Variants in ZNF44 observed in about 807,000 individuals in gnomAD.
ZNF44 encodes the protein zinc finger protein 44, also known as gonadotropin inducible transcription repressor-2.
In ZNF44, 9 loss-of-function variants were observed where a neutral mutation model predicts 11.7. That is an observed-to-expected ratio of 0.77 (90% CI 0.46 to 1.35). ZNF44 has a LOEUF of 1.35. Among genes scored for constraint, ZNF44 ranks in the 40% most tolerant of loss-of-function variants. The probability of loss-of-function intolerance (pLI) is 0.00; values close to 1 mark genes in which losing one functional copy is unlikely to be tolerated. For missense variants in ZNF44, 696 were observed against 743.1 expected (o/e 0.94, Z 0.74); for synonymous variants, 224 against 242.7 (o/e 0.92, Z 0.72).
chr19:12,263,652 G>A (rs1441649096), intron 5 of ZNF44, among the ~76,000 whole-genome samples: 1 of 151,974 alleles, frequency 6.6e-6, no homozygotes, highest in Non-Finnish European at 1.5e-5. Flanking sequence ...AGCGCTGGGT[G>A]CAGTGGCTCA....
At chr19:12,232,258 ATACCGAG>A (rs1916193738) in intron 2 of ZNF44, among the ~76,000 whole-genome samples, 1 of 152,212 alleles carries the variant, frequency 6.6e-6, no homozygotes, top group South Asian at 2.1e-4. Context: ...ATCGGGTTTT[ATACCGAG>A]ACATTCCATT....
At position 12,272,967 on chromosome 19, in the gene ZNF44, A is replaced by G; in HGVS notation, c.1288T>C (p.Phe430Leu). The G allele has an allele frequency of 6.2e-7, 1 of 1,613,958 alleles. No individual in the cohort carries two copies. Among genetic ancestry groups the G allele is most frequent in the Non-Finnish European group, 8.5e-7 (1 of 1,180,010 alleles). Residue 430 changes from phenylalanine to leucine, a missense_variant, in exon 4 of 4, where the codon TTC becomes CTC. Physicochemically the swap from Phe to Leu is conservative, Grantham distance 22 (BLOSUM62 0). Transcript: ENST00000355684. ...PYECKQCGKAFRTSSSLRKHE... is the reference protein window; with the variant it reads ...PYECKQCGKALRTSSSLRKHE... ...TTTCGAAGGGAACTGGAAGTACGGA[A>G]GGCTTTCCCACATTGCTTGCATTCA...
chr19:12,266,297 C>T, intron 5 of ZNF44: 5 of 985,406 alleles, frequency 5.1e-6, no homozygotes, highest in Non-Finnish European at 6.0e-6. Context: ...TCCAGGGTGT[C>T]CCAGCATCCT....
chr19:12,247,393 G>A (rs755464671), downstream of ZNF44: 228 of 1,307,196 alleles, frequency 1.7e-4, no homozygotes, highest in Admixed American at 2.3e-4. Context: ...ATGTGCACTC[G>A]AAAGCCTGTA....
At position 12,275,950 on chromosome 19, in the gene ZNF44, C is replaced by A. The variant is rs751166679; in HGVS notation, c.130+6G>T. 6.3e-7 allele frequency: 1 copy of A among 1,597,156 alleles called. No homozygotes were observed. The highest frequency in any genetic ancestry group is 1.7e-5 in the Admixed American group (1 of 59,142). ...TGACCAAATGAAGACATGATGTCAT[C>A]CATACCTATACAGTTCAGGTTCCTA... On this transcript the variant is annotated splice_donor_region_variant and intron_variant, in intron 2 of 3. Coordinates refer to ENST00000355684, the MANE Select transcript of ZNF44 (RefSeq NM_016264.4).
intron 1 of ZNF44, chr19:12,284,657 C>T (rs1233232178): frequency 3.9e-6 from 3 of 761,114 alleles, no homozygotes; most frequent in Admixed American, 2.0e-5. Flanking sequence ...AGACCCGTGC[C>T]GGCCAGTGCA....
At chr19:12,240,484 C>T (rs1004450453), upstream of ZNF44, among the ~76,000 whole-genome samples, 2 of 148,378 alleles carry the variant, frequency 1.3e-5, no homozygotes, top group Non-Finnish European at 3.0e-5. Flanking sequence ...TCAACCCTAA[C>T]GTTCATTTGG....
chr19:12,245,842 A>G (rs928257975), downstream of ZNF44, among the ~76,000 whole-genome samples: 1 of 151,934 alleles, frequency 6.6e-6, no homozygotes, highest in Non-Finnish European at 1.5e-5. Flanking sequence ...GAAAGCTGGG[A>G]GGCAGAACTT....
chr19:12,262,259 T>C (rs952388189), intron 5 of ZNF44, among the ~76,000 whole-genome samples: 3 of 152,120 alleles, frequency 2.0e-5, no homozygotes, highest in Non-Finnish European at 1.5e-5. Flanking sequence ...AAAATAAAAA[T>C]TCATTTTTCT....
downstream of ZNF44, among the ~76,000 whole-genome samples, chr19:12,267,755 C>T (rs191229717): frequency 1.3e-4 from 20 of 152,080 alleles, no homozygotes; most frequent in African/African-American, 4.1e-4. Context: ...CTGCCCTAAA[C>T]TGTCAACTTT....
chr19:12,256,232 C>CA (rs1046052756), intron 5 of ZNF44, among the ~76,000 whole-genome samples: 6 of 151,970 alleles, frequency 3.9e-5, no homozygotes, highest in African/African-American at 1.4e-4. Context: ...TCCAGCAGAA[C>CA]AAAGAACAAA....
At position 12,273,232 on chromosome 19, in the gene ZNF44, T is replaced by C. The variant is rs200330942; in HGVS notation, c.1023A>G (p.Ile341Met). ...HSGDGPHKCK[I>M]CGKGFDFPGS... ...CAGGAAAATCAAAGCCTTTCCCACA[T>C]ATCTTACATTTATGAGGTCCATCTC... Residue 341 changes from isoleucine (I) to methionine (M), a missense_variant, in exon 4 of 4, where the codon ATA becomes ATG. Physicochemically the swap from Ile to Met is conservative, Grantham distance 10. Transcript: ENST00000355684. The C allele has an allele frequency of 3.1e-4, 502 of 1,613,918 alleles. No individual in the cohort carries two copies. Among genetic ancestry groups the C allele is most frequent in the Non-Finnish European group, 3.9e-4 (466 of 1,180,000 alleles).
At chr19:12,236,581 T>C (rs554175747) in intron 1 of ZNF44, among the ~76,000 whole-genome samples, 10 of 152,288 alleles carry the variant, frequency 6.6e-5, no homozygotes, top group African/African-American at 2.2e-4. Flanking sequence ...AACTGAACTC[T>C]CAGCCTGCAA....
chr19:12,245,347 TAATAA>T (rs201907365), downstream of ZNF44, among the ~76,000 whole-genome samples: 1,778 of 152,288 alleles, frequency 0.012, 13 homozygotes, highest in Non-Finnish European at 0.017. Flanking sequence ...TTAAAAGAGT[TAATAA>T]AATATTTCTA....
exon 8 of ZNF44, chr19:12,248,210 A>T: frequency 7.6e-7 from 1 of 1,307,696 alleles, no homozygotes; most frequent in South Asian, 1.2e-5. Context: ...GTTTCTCTCC[A>T]GTATGAGCCT....
exon 8 of ZNF44, chr19:12,247,919 G>A (rs1220385385): frequency 7.4e-7 from 1 of 1,345,418 alleles, no homozygotes; most frequent in Non-Finnish European, 9.9e-7. Context: ...GGTAACTGAA[G>A]GCTTTCCCAC....
chr19:12,260,692 C>T lies in ZNF44; in HGVS notation c.1913-10324G>A, dbSNP rs552885427. ...ACCCAGGACCACTTTAAGGAAGGCC[C>T]TACTCCCATACTCCAGCTCCCCAAT... On this transcript the variant is annotated intron_variant and NMD_transcript_variant, in intron 5 of 7. Coordinates refer to the ZNF44 transcript ENST00000393337. Among the ~76,000 whole-genome samples, 19 of 152,282 alleles carry T rather than the reference C, an allele frequency of 1.2e-4. 1 individual carries two copies. In the South Asian group the frequency reaches 3.5e-3, roughly 28 times the overall value.
At chr19:12,268,153 C>CACACACACAG (rs1413855832), downstream of ZNF44, among the ~76,000 whole-genome samples, 1 of 138,368 alleles carries the variant, frequency 7.2e-6, no homozygotes, top group African/African-American at 2.8e-5. Context: ...CAGACACACA[C>CACACACACAG]ACACACACAC....
intron 1 of ZNF44, among the ~76,000 whole-genome samples, chr19:12,236,818 AT>A (rs1916407721): frequency 6.6e-6 from 1 of 152,178 alleles, no homozygotes; most frequent in Non-Finnish European, 1.5e-5. Context: ...TCCAGGACAC[AT>A]TGTTTGTGCT....
Sources: gnomAD v4.1 joint callset for allele counts (sites outside exome capture counted in the v4.1 genomes callset) on GRCh38, gnomAD v4.1.1 for gene constraint, MANE v1.5 for transcripts, NCBI Gene and HGNC (gene_info 2026-07-23, HGNC 2026-07-21) for gene names.